Variants in SLC24A3 observed in about 807,000 individuals in gnomAD.
SLC24A3 encodes the protein sodium/potassium/calcium exchanger 3.
SLC24A3 carries 28 observed loss-of-function variants against 75.8 expected under a neutral mutation model. The ratio of observed to expected loss-of-function variants is 0.37; its 90% CI spans 0.27 to 0.51. The LOEUF (loss-of-function observed/expected upper bound fraction) is 0.51. Ranked by LOEUF, SLC24A3 falls within the 20% of genes least tolerant of loss-of-function variation. The pLI, the probability that SLC24A3 is intolerant of heterozygous loss-of-function variation, is 0.94. For missense variants in SLC24A3, 663 were observed against 847.8 expected, an observed-to-expected ratio of 0.78 and a Z score of 2.71; for synonymous variants, 372 against 334.1, an observed-to-expected ratio of 1.11 and a Z score of -1.24.
chr20:19,665,827 G>A (rs2032392859), intron 7 of SLC24A3, 37 bp from the exon 8 acceptor site: 2 of 1,454,450 alleles, frequency 1.4e-6, no homozygotes, highest in African/African-American at 1.4e-5. Context: ...GTGTGTGTGT[G>A]TGTGTCTAAT....
At chr20:19,248,324 A>G (rs1982554540) in intron 1 of SLC24A3, among the ~76,000 whole-genome samples, 1 of 152,348 alleles carries the variant, frequency 6.6e-6, no homozygotes, top group South Asian at 2.1e-4. Flanking sequence ...TGTAAACATT[A>G]CCATGTAAGC....
intron 7 of SLC24A3, among the ~76,000 whole-genome samples, chr20:19,660,384 C>T (rs564987735): frequency 3.3e-5 from 5 of 151,280 alleles, no homozygotes; most frequent in South Asian, 2.1e-4. Context: ...TGAGAACATA[C>T]GGTATTTGAT....
At chr20:19,373,709 T>A (rs1301948467) in intron 2 of SLC24A3, among the ~76,000 whole-genome samples, 1 of 152,210 alleles carries the variant, frequency 6.6e-6, no homozygotes, top group Non-Finnish European at 1.5e-5. Context: ...TTGTCCAGAC[T>A]GATGTAGGTG....
chr20:19,398,546 G>A (rs545103679), intron 2 of SLC24A3, among the ~76,000 whole-genome samples: 4 of 152,206 alleles, frequency 2.6e-5, no homozygotes, highest in African/African-American at 9.6e-5. Flanking sequence ...GCAACCTTGT[G>A]AAACTCACAT....
At chr20:19,233,158 T>G (rs1404647081) in intron 1 of SLC24A3, among the ~76,000 whole-genome samples, 1 of 152,256 alleles carries the variant, frequency 6.6e-6, no homozygotes, top group Admixed American at 6.5e-5. Flanking sequence ...AAATTTTAAC[T>G]GTCAACTGAG....
At chr20:19,247,699 T>C (rs1350903277) in intron 1 of SLC24A3, among the ~76,000 whole-genome samples, 1 of 152,246 alleles carries the variant, frequency 6.6e-6, no homozygotes, top group East Asian at 1.9e-4. Context: ...TCCTTATTAA[T>C]TGTATATTGA....
intron 15 of SLC24A3, among the ~76,000 whole-genome samples, chr20:19,711,927 C>T (rs930218865): frequency 5.9e-5 from 9 of 151,800 alleles, no homozygotes; most frequent in African/African-American, 2.2e-4. Flanking sequence ...TGTGAGCTAC[C>T]GCGCCTGGCC....
At chr20:19,215,296 G>T (rs73122898) in intron 1 of SLC24A3, among the ~76,000 whole-genome samples, 30,405 of 152,050 alleles carry the variant, frequency 0.2, 3,210 homozygotes, top group Non-Finnish European at 0.24. Context: ...AGACCTTGTG[G>T]TGTAGAGAGG....
intron 2 of SLC24A3, among the ~76,000 whole-genome samples, chr20:19,375,218 T>C (rs1471180933): frequency 1.3e-5 from 2 of 152,204 alleles, no homozygotes; most frequent in Non-Finnish European, 2.9e-5. Flanking sequence ...GCTTTTCTCA[T>C]CTTCTCTCTG....
chr20:19,251,062 A>C lies in SLC24A3; in HGVS notation c.143-29897A>C, dbSNP rs368376379. On this transcript the variant is annotated intron_variant, in intron 1 of 16. Coordinates refer to ENST00000328041, the MANE Select transcript of SLC24A3 (RefSeq NM_020689.4). ...CCAGCCACCACTCTTCCATTCTGGT[A>C]CCATTACAGACATCACTAATTGATA... 2.3e-3 allele frequency among the ~76,000 whole-genome samples: 352 copies of C among 152,332 alleles called. 1 individual carries two copies. Among genetic ancestry groups the C allele is most frequent in the African/African-American group, 8.0e-3 (332 of 41,568 alleles).
chr20:19,607,971 T>G (rs1191409274), intron 6 of SLC24A3, among the ~76,000 whole-genome samples: 2 of 152,248 alleles, frequency 1.3e-5, no homozygotes, highest in African/African-American at 4.8e-5. Context: ...TTGTCTTACC[T>G]GTGTGCTTGT....
chr20:19,605,400 GA>G (rs1461014307), intron 6 of SLC24A3, among the ~76,000 whole-genome samples: 3 of 151,944 alleles, frequency 2.0e-5, no homozygotes, highest in Admixed American at 2.0e-4. Context: ...CTTTCTCTAC[GA>G]AAGAGGTTTT....
intron 2 of SLC24A3, among the ~76,000 whole-genome samples, chr20:19,333,656 T>A (rs868583437): frequency 4.7e-5 from 7 of 148,866 alleles, no homozygotes; most frequent in Non-Finnish European, 7.4e-5. Context: ...TGTGTGTGTG[T>A]GAGAGTGTGT....
chr20:19,553,205 G>T (rs1042410871), intron 3 of SLC24A3, among the ~76,000 whole-genome samples: 3 of 151,916 alleles, frequency 2.0e-5, no homozygotes, highest in African/African-American at 7.3e-5. Flanking sequence ...ATGTCCGTGT[G>T]CACACCTCTG....
chr20:19,235,161 G>A (rs2122153874), intron 1 of SLC24A3, among the ~76,000 whole-genome samples: 1 of 152,316 alleles, frequency 6.6e-6, no homozygotes, highest in Non-Finnish European at 1.5e-5. Flanking sequence ...GCCCTGCATG[G>A]GATGTCTGCT....
chr20:19,698,765 C>T lies in SLC24A3; in HGVS notation c.1719+85C>T, dbSNP rs2032840126. On this transcript the variant is annotated intron_variant, in intron 15 of 16. Transcript: ENST00000328041. ...AGCCTTGGCCACAGGGTCTTTGTCT[C>T]GGGGAAAAAGGGGTGTAGAAATCGT... 5.7e-6 allele frequency: 6 copies of T among 1,055,042 alleles called. 1 individual carries two copies. The highest frequency in any genetic ancestry group is 5.6e-6 in the Non-Finnish European group (4 of 711,788). The allele number at this position is 1,055,042 out of a possible 1,614,324, so 65.4% of individuals were successfully genotyped here.
intron 2 of SLC24A3, among the ~76,000 whole-genome samples, chr20:19,354,978 A>G (rs1263965962): frequency 6.6e-6 from 1 of 152,054 alleles, no homozygotes; most frequent in Non-Finnish European, 1.5e-5. Context: ...CAAAAATGCC[A>G]ACTCCAACTC....
chr20:19,382,728 T>G (rs929002223), intron 2 of SLC24A3, among the ~76,000 whole-genome samples: 2 of 152,146 alleles, frequency 1.3e-5, no homozygotes, highest in Admixed American at 6.5e-5. Flanking sequence ...TTCCCTTCAT[T>G]GCCTGTCTTC....
rs139140575 is a variant in SLC24A3, at chr20:19,216,094, G to T, written c.142+3110G>T. ...AGGCATGAGCCTTCAGTGGTGGAAA[G>T]CAATGAGCTCTAGTTGCCCTATTTA... On this transcript the variant is annotated intron_variant, in intron 1 of 16. Transcript: ENST00000328041. 3.1e-3 allele frequency among the ~76,000 whole-genome samples: 479 copies of T among 152,298 alleles called. 2 individuals are homozygous for T. Among genetic ancestry groups the T allele is most frequent in the African/African-American group, 0.011 (454 of 41,558 alleles).
Sources: gnomAD v4.1 joint callset for allele counts (sites outside exome capture counted in the v4.1 genomes callset) on GRCh38, gnomAD v4.1.1 for gene constraint, MANE v1.5 for transcripts, NCBI Gene and HGNC (gene_info 2026-07-23, HGNC 2026-07-21) for gene names.